ADCY4: variants seen among roughly 807,000 people sequenced by gnomAD.
The protein encoded by ADCY4 is adenylate cyclase 4, also known as adenylate cyclase type 4.
Under a neutral mutation model 125.5 loss-of-function variants are expected in ADCY4, and 111 were observed. The ratio of observed to expected loss-of-function variants is 0.88; its 90% CI spans 0.76 to 1.04. The LOEUF (loss-of-function observed/expected upper bound fraction) is 1.04, where lower values mean the gene tolerates loss of function less well. Among genes scored for constraint, ADCY4 ranks in the 50% least tolerant of loss-of-function variants. The pLI, the probability that ADCY4 is intolerant of heterozygous loss-of-function variation, is 0.00. For synonymous variants in ADCY4, 576 were observed against 586.9 expected (o/e 0.98, Z 0.27); for missense variants, 1,256 against 1,382.9 (o/e 0.91, Z 1.46).
Position 24,326,110 on chromosome 14 carries a change from A to G in ADCY4, c.1624T>C (p.Phe542Leu). 6.3e-7 allele frequency: 1 copy of G among 1,587,506 alleles called. No individual in the cohort carries two copies. The highest frequency in any genetic ancestry group is 8.6e-7 in the Non-Finnish European group (1 of 1,164,596). Reference protein sequence around the residue: ...DELDTGDAKFFQVIEQLNSQK... With the variant: ...DELDTGDAKFLQVIEQLNSQK... ...GAGTTGAGCTGCTCAATGACCTGGAAGAACTTGGCATCCCCGGTGTCCAGT... is the reference window on the plus strand; with the variant it reads ...GAGTTGAGCTGCTCAATGACCTGGAGGAACTTGGCATCCCCGGTGTCCAGT... The change falls in exon 12 of 25, where the codon TTC (phenylalanine) becomes CTC (leucine). Residue 542 changes from phenylalanine (F) to leucine (L), a missense_variant. Transcript: ENST00000418030.
chr14:24,332,494 G>A, intron 3 of ADCY4, 28 bp downstream of exon 3: 1 of 1,551,438 alleles, frequency 6.4e-7, no homozygotes, highest in Non-Finnish European at 8.7e-7. Context: ...GCCGTCCTGA[G>A]CGCAGCCTGT....
At position 24,334,659 on chromosome 14, in the gene ADCY4, C is replaced by T; in HGVS notation, c.-7G>A. 2 of 1,537,630 alleles carry T rather than the reference C, an allele frequency of 1.3e-6. No individual in the cohort carries two copies. Among genetic ancestry groups the T allele is most frequent in the Middle Eastern group, 2.3e-4 (1 of 4,358 alleles). On this transcript the variant is annotated 5_prime_UTR_variant, in exon 1 of 25. Transcript: ENST00000418030. ...GGCTGAAGAGGCGGGCCATGATCTC[C>T]CCAGCCCCGAGCCCCGGGGCTGGCT... is the stretch of plus-strand genomic sequence containing the variant.
chr14:24,319,434 C>A lies in ADCY4; in HGVS notation c.2736G>T (p.Leu912=), dbSNP rs758860952. The change falls in exon 22 of 25, where the codon CTG becomes CTT. Residue 912 remains leucine, a splice_region_variant and synonymous_variant. Transcript: ENST00000418030. This position sits in a 1 kb window ranked among gnomAD's most constrained non-coding sequence, Gnocchi z 4.5. ...CCCCACTGAACTTGGGCTTGGAGAG[C>A]AGCTGTATATAGAGAAGAGTCCTGT... The part of the protein sequence containing the change: ...LNEIIADFDE[L]LSKPKFSGVE... 1.9e-6 allele frequency: 3 copies of A among 1,614,120 alleles called. No homozygotes were observed. In the East Asian group the frequency reaches 6.7e-5, roughly 36 times the overall value.
Position 24,324,453 on chromosome 14 carries a change from G to T in ADCY4, c.1824-62C>A, listed in dbSNP as rs558716173. On this transcript the variant is annotated intron_variant, in intron 14 of 24. Coordinates refer to ENST00000418030, the MANE Select transcript of ADCY4 (RefSeq NM_001198568.2). Reference sequence around the variant, plus strand: ...AACAGGCTCCCTGTGTGCTATGAAGGTGCTGTGTGAGCTGGGTGGGAGATA... The same window carrying T: ...AACAGGCTCCCTGTGTGCTATGAAGTTGCTGTGTGAGCTGGGTGGGAGATA... 96 of 1,536,262 alleles carry T rather than the reference G, an allele frequency of 6.2e-5. 1 individual carries two copies. The African/African-American group carries it at 9.4e-4, about 15-fold the overall frequency.
At position 24,326,118 on chromosome 14, in the gene ADCY4, G is replaced by A; in HGVS notation, c.1616C>T (p.Ala539Val). The change falls in exon 12 of 25, where the codon GCC becomes GTC. Residue 539 changes from alanine to valine, a missense_variant. Transcript: ENST00000418030. ...CTGCTCAATGACCTGGAAGAACTTG[G>A]CATCCCCGGTGTCCAGTTCATCATC... ...GLDDELDTGDAKFFQVIEQLN... is the reference protein window; with the variant it reads ...GLDDELDTGDVKFFQVIEQLN... 6.3e-7 allele frequency: 1 copy of A among 1,588,772 alleles called. No homozygotes were observed. The highest frequency in any genetic ancestry group is 8.6e-7 in the Non-Finnish European group (1 of 1,165,220).
intron 2 of ADCY4, 24 bp downstream of exon 2, chr14:24,332,767 T>C (rs1594670640): frequency 1.3e-6 from 2 of 1,532,606 alleles, no homozygotes; most frequent in East Asian, 2.4e-5. Flanking sequence ...CCGTCCCCGC[T>C]GCCCCGCCTG....
At chr14:24,332,422 C>T in intron 3 of ADCY4, 100 bp downstream of exon 3, 2 of 1,350,310 alleles carry the variant, frequency 1.5e-6, no homozygotes, top group Non-Finnish European at 2.0e-6. Flanking sequence ...CCCAGCGTTG[C>T]ACCTTGACTT....
intron 10 of ADCY4, chr14:24,326,626 GCT>G: frequency 3.1e-6 from 1 of 325,696 alleles, no homozygotes. Flanking sequence ...ACTGAATCTT[GCT>G]CTGTCACCAG....
Position 24,332,667 on chromosome 14 carries a change from A to T in ADCY4, c.374T>A (p.Phe125Tyr), listed in dbSNP as rs1229058531. The T allele has an allele frequency of 6.3e-7, 1 of 1,589,630 alleles. No homozygotes were observed. Among genetic ancestry groups the T allele is most frequent in the Admixed American group, 1.8e-5 (1 of 55,880 alleles). Residue 125 changes from phenylalanine (F) to tyrosine (Y), a missense_variant, in exon 3 of 25, where the codon TTC becomes TAC. Physicochemically the swap from Phe to Tyr is conservative, Grantham distance 22. Coordinates refer to ENST00000418030, the MANE Select transcript of ADCY4 (RefSeq NM_001198568.2). ...CATGGCATACGCCGTGAAGATGACG[A>T]AGAGAAAATAGGACACCTGGGGGCG... Reference protein sequence around the residue: ...SAWDQVSYFLFVIFTAYAMLP... With the variant: ...SAWDQVSYFLYVIFTAYAMLP...
Position 24,332,507 on chromosome 14 carries a change from T to G in ADCY4, c.519+15A>C, listed in dbSNP as rs2042057783. On this transcript the variant is annotated intron_variant, in intron 3 of 24. Transcript: ENST00000418030. The stretch of plus-strand genomic sequence containing the variant: ...GAGCCGTCCTGAGCGCAGCCTGTGC[T>G]ACTTGCGTGCTCACCTGCGGCAGCA... 6.4e-7 allele frequency: 1 copy of G among 1,557,174 alleles called. No individual in the cohort carries two copies. Among genetic ancestry groups the G allele is most frequent in the Non-Finnish European group, 8.7e-7 (1 of 1,150,802 alleles).
At chr14:24,326,023 C>A in intron 12 of ADCY4, 56 bp downstream of exon 12, 1 of 1,485,548 alleles carries the variant, frequency 6.7e-7, no homozygotes, top group Non-Finnish European at 9.1e-7. Flanking sequence ...ACCATCCCTT[C>A]TCCACCATAT....
chr14:24,323,153 C>G, intron 17 of ADCY4, 65 bp from the exon 18 acceptor site: 3 of 1,557,136 alleles, frequency 1.9e-6, no homozygotes, highest in Non-Finnish European at 1.7e-6. Flanking sequence ...CACCTGAGGG[C>G]TCCCTTCCTG....
At chr14:24,323,562 A>G (rs2041890513) in intron 16 of ADCY4, 108 bp from the exon 17 acceptor site, 6 of 1,498,424 alleles carry the variant, frequency 4.0e-6, no homozygotes, top group Non-Finnish European at 5.4e-6. Flanking sequence ...GACTCGTCCA[A>G]AGGGGTGGAT....
At chr14:24,321,440 G>T (rs772504619) in intron 20 of ADCY4, among the ~76,000 whole-genome samples, 1 of 151,422 alleles carries the variant, frequency 6.6e-6, no homozygotes, top group Non-Finnish European at 1.5e-5. Context: ...CAGCCTGAGC[G>T]ACGAGAGTGA....
rs1191342356 is a variant in ADCY4, at chr14:24,319,232, C to T, written c.2842-20G>A. On this transcript the variant is annotated intron_variant, in intron 22 of 24. Transcript: ENST00000418030. The surrounding 1 kb of genome is among the most constrained non-coding windows in gnomAD (Gnocchi z 4.5). ...AGCATCCTGGCAATGGGCCCGCCCA[C>T]CAGGGTGGGCCAGTGAGGGCACAGG... is the stretch of plus-strand genomic sequence containing the variant. 1.2e-6 allele frequency: 2 copies of T among 1,613,176 alleles called. No homozygotes were observed. Among genetic ancestry groups the T allele is most frequent in the Middle Eastern group, 1.7e-4 (1 of 6,060 alleles).
chr14:24,331,121 TACAGC>T lies in ADCY4; in HGVS notation c.822_826del (p.Leu275CysfsTer2). 1 of 1,613,294 alleles carries T rather than the reference TACAGC, an allele frequency of 6.2e-7. No homozygotes were observed. The highest frequency in any genetic ancestry group is 8.5e-7 in the Non-Finnish European group (1 of 1,179,366). On this transcript the variant is annotated frameshift_variant, in exon 6 of 25. Coordinates refer to ENST00000418030, the MANE Select transcript of ADCY4 (RefSeq NM_001198568.2). LOFTEE classifies it high-confidence loss of function. ...CCGCGTGAAGCCCACGATGTCAGCA[TACAGC>T]ACGCTGCATAGGGCAGACTGTGTCA...
intron 14 of ADCY4, among the ~76,000 whole-genome samples, chr14:24,324,740 G>C (rs1044053007): frequency 1.3e-5 from 2 of 150,896 alleles, no homozygotes; most frequent in African/African-American, 4.9e-5. Flanking sequence ...GTCTCGCTCT[G>C]TTGCCCTGGC....
At position 24,332,556 on chromosome 14, in the gene ADCY4, G is replaced by T. The variant is rs1302668258; in HGVS notation, c.485C>A (p.Pro162Gln). 10 of 1,574,320 alleles carry T rather than the reference G, an allele frequency of 6.4e-6. No homozygotes were observed. In the East Asian group the frequency reaches 2.3e-4, roughly 36 times the overall value. The change falls in exon 3 of 25, where the codon CCA (proline) becomes CAA (glutamine). Residue 162 changes from proline (P) to glutamine (Q), a missense_variant. Coordinates refer to ENST00000418030, the MANE Select transcript of ADCY4 (RefSeq NM_001198568.2). ...CAGTGCAGGCCGTGAGTCCGGCTGTGGCCCAAGATACAGCCCGAGGACCAG... is the reference window on the plus strand; with the variant it reads ...CAGTGCAGGCCGTGAGTCCGGCTGTTGCCCAAGATACAGCCCGAGGACCAG... Reference protein sequence around the residue: ...HLLVLGLYLGPQPDSRPALLP... With the variant: ...HLLVLGLYLGQQPDSRPALLP...
In ADCY4 at chr14:24,318,441, C is replaced by T; in HGVS notation, c.3209G>A (p.Gly1070Glu). ...YFLNTDLTRT[G>E]PPSATLG is the part of the protein sequence containing the mutation. ...TCAGCCTAGGGTAGCTGAAGGAGGT[C>T]CAGTTCGTGTCAAGTCTGTGTTCAG... Residue 1070 changes from glycine (G) to glutamate (E), a missense_variant, in exon 25 of 25, where the codon GGA becomes GAA. Coordinates refer to ENST00000418030, the MANE Select transcript of ADCY4 (RefSeq NM_001198568.2). 10 of 1,614,074 alleles carry T rather than the reference C, an allele frequency of 6.2e-6. No individual in the cohort carries two copies. Among genetic ancestry groups the T allele is most frequent in the Non-Finnish European group, 7.6e-6 (9 of 1,179,976 alleles).
Sources: allele counts gnomAD v4.1 joint callset (sites outside exome capture counted in the v4.1 genomes callset), GRCh38; gene constraint gnomAD v4.1.1; non-coding constraint Gnocchi (gnomAD v3.1); transcripts MANE v1.5; gene names NCBI Gene and HGNC (gene_info 2026-07-23, HGNC 2026-07-21).